The following TTC17 variants were observed in gnomAD, a reference collection of about 807,000 sequenced individuals.
The protein encoded by TTC17 is tetratricopeptide repeat domain 17.
Under a neutral mutation model 143.8 loss-of-function variants are expected in TTC17, and 58 were observed. That is an observed-to-expected ratio of 0.40 (90% CI 0.33 to 0.50). TTC17 has a LOEUF of 0.50. TTC17 is among the 20% of genes least tolerant of loss of function. The probability of loss-of-function intolerance (pLI) is 0.49; values close to 1 mark genes in which losing one functional copy is unlikely to be tolerated. For missense variants in TTC17, 1,273 were observed against 1,392.5 expected (o/e 0.91, Z 1.37); for synonymous variants, 501 against 497.8 (o/e 1.01, Z -0.09).
chr11:43,415,233 T>A (rs1014171448), intron 16 of TTC17, among the ~76,000 whole-genome samples: 1 of 152,172 alleles, frequency 6.6e-6, no homozygotes. Context: ...TTTAATATAG[T>A]GACCCAACAT....
At chr11:43,373,433 C>G (rs966890493) in intron 1 of TTC17, among the ~76,000 whole-genome samples, 1 of 151,664 alleles carries the variant, frequency 6.6e-6, no homozygotes, top group Non-Finnish European at 1.5e-5. Flanking sequence ...ACGCCATTCT[C>G]CTGCCTCAGC....
intron 8 of TTC17, among the ~76,000 whole-genome samples, chr11:43,399,585 C>T (rs184055586): frequency 9.2e-5 from 14 of 152,214 alleles, no homozygotes; most frequent in Non-Finnish European, 1.9e-4. Flanking sequence ...GCAAGAGGAC[C>T]CCTTGAGCCC....
intron 5 of TTC17, 68 bp from the exon 6 acceptor site, chr11:43,396,641 C>A: frequency 1.2e-6 from 1 of 821,354 alleles, no homozygotes; most frequent in Non-Finnish European, 1.9e-6. Flanking sequence ...ATTAAAGGTG[C>A]TCCTTTTGAG....
intron 21 of TTC17, among the ~76,000 whole-genome samples, chr11:43,479,698 T>A (rs1335320443): frequency 6.6e-6 from 1 of 151,970 alleles, no homozygotes; most frequent in East Asian, 1.9e-4. Context: ...CAAATTTGAT[T>A]TAGAGAATTG....
intron 16 of TTC17, chr11:43,436,387 T>C (rs763020152): frequency 9.4e-5 from 115 of 1,229,228 alleles, no homozygotes; most frequent in Non-Finnish European, 1.1e-4. Flanking sequence ...ACTCTCAAGC[T>C]TTAAGCTTAG....
chr11:43,391,450 T>G lies in TTC17; in HGVS notation c.420-15T>G. The G allele has an allele frequency of 2.1e-6, 3 of 1,442,978 alleles. No individual in the cohort carries two copies. The highest frequency in any genetic ancestry group is 1.2e-5 in the South Asian group (1 of 84,090). 89.4% of individuals were successfully genotyped at this position (1,442,978 alleles called of 1,614,324 possible). On this transcript the variant is annotated splice_polypyrimidine_tract_variant and intron_variant, in intron 3 of 23. Coordinates refer to ENST00000039989, the MANE Select transcript of TTC17 (RefSeq NM_018259.6). ...TCTCACCTTTTATTCATTCATTGCT[T>G]CTTTTTGATTTTAGTCCTGAAGATT...
intron 16 of TTC17, among the ~76,000 whole-genome samples, chr11:43,440,611 CCTTT>C (rs1323069665): frequency 6.6e-6 from 1 of 152,106 alleles, no homozygotes; most frequent in Non-Finnish European, 1.5e-5. Context: ...TTATTCAATA[CCTTT>C]CTAATTGGTC....
chr11:43,486,383 A>C lies in TTC17; in HGVS notation c.3031-3856A>C, dbSNP rs1021490469. ...CATTATCAGATTGAAAAAAAATAGT[A>C]GATGTAAAACTGGATGCTATCCATG... On this transcript the variant is annotated intron_variant, in intron 21 of 23. Transcript: ENST00000039989. The C allele has an allele frequency of 1.3e-5, 6 of 448,068 alleles. No individual in the cohort carries two copies. The Admixed American group carries it at 1.4e-4, about 11-fold the overall frequency. 27.8% of individuals were successfully genotyped at this position (448,068 alleles called of 1,614,324 possible).
chr11:43,492,986 C>T (rs1948499159), intron 23 of TTC17, among the ~76,000 whole-genome samples: 1 of 152,204 alleles, frequency 6.6e-6, no homozygotes, highest in Admixed American at 6.5e-5. Context: ...CTTCATGTAT[C>T]GTTCTTGACT....
At chr11:43,473,436 A>C (rs1484471269) in intron 21 of TTC17, among the ~76,000 whole-genome samples, 2 of 152,238 alleles carry the variant, frequency 1.3e-5, no homozygotes, top group Admixed American at 1.3e-4. Context: ...CTATGCTTCT[A>C]TCTCAAAAAG....
chr11:43,427,784 C>T (rs1158276396), intron 16 of TTC17, among the ~76,000 whole-genome samples: 1 of 152,138 alleles, frequency 6.6e-6, no homozygotes, highest in Non-Finnish European at 1.5e-5. Flanking sequence ...TCCTTGAGTA[C>T]AGAAACCAAT....
intron 1 of TTC17, among the ~76,000 whole-genome samples, chr11:43,361,750 TTGAA>T (rs1357339097): frequency 6.6e-6 from 1 of 152,228 alleles, no homozygotes; most frequent in Non-Finnish European, 1.5e-5. Context: ...GTTACAATAT[TTGAA>T]TGAGAGCATA....
At chr11:43,411,006 C>G (rs1858386488) in intron 15 of TTC17, among the ~76,000 whole-genome samples, 1 of 152,222 alleles carries the variant, frequency 6.6e-6, no homozygotes, top group Admixed American at 6.5e-5. Context: ...ACTGGTTTCT[C>G]TGCTTCTGCC....
chr11:43,415,152 T>C (rs1051570142), intron 16 of TTC17, among the ~76,000 whole-genome samples: 1 of 152,196 alleles, frequency 6.6e-6, no homozygotes, highest in African/African-American at 2.4e-5. Context: ...GAAGCAGTTC[T>C]TCTATATACT....
At chr11:43,418,498 T>C (rs1437264933) in intron 16 of TTC17, among the ~76,000 whole-genome samples, 1 of 152,200 alleles carries the variant, frequency 6.6e-6, no homozygotes, top group Non-Finnish European at 1.5e-5. Context: ...TTTTACAGTT[T>C]TATTTAACTT....
intron 16 of TTC17, among the ~76,000 whole-genome samples, chr11:43,433,761 G>A (rs1449746794): frequency 6.6e-6 from 1 of 152,146 alleles, no homozygotes; most frequent in Admixed American, 6.5e-5. Context: ...AAAACACAGA[G>A]TTTCACTGGG....
chr11:43,492,125 G>C lies in TTC17; in HGVS notation c.3256G>C (p.Val1086Leu), dbSNP rs1229501376. ...MAVEIAPHFAVNHFTLGNVYV... is the reference protein window; with the variant it reads ...MAVEIAPHFALNHFTLGNVYV... ...AGTAGAGATCGCACCACACTTTGCTGTGAACCACTTCACTCTGGGCAATGT... is the reference window on the plus strand; with the variant it reads ...AGTAGAGATCGCACCACACTTTGCTCTGAACCACTTCACTCTGGGCAATGT... The change falls in exon 23 of 24, where the codon GTG becomes CTG. Residue 1086 changes from valine (V) to leucine (L), a missense_variant. Physicochemically the swap from Val to Leu is conservative, Grantham distance 32. Transcript: ENST00000039989. 6.2e-7 allele frequency: 1 copy of C among 1,614,108 alleles called. No homozygotes were observed. The highest frequency in any genetic ancestry group is 2.2e-5 in the East Asian group (1 of 44,870).
chr11:43,456,845 C>G (rs1010369823), intron 21 of TTC17, among the ~76,000 whole-genome samples: 1 of 152,000 alleles, frequency 6.6e-6, no homozygotes, highest in Non-Finnish European at 1.5e-5. Context: ...TTCCAAGGAG[C>G]ATTTCGATTA....
intron 16 of TTC17, among the ~76,000 whole-genome samples, chr11:43,423,182 G>A (rs1451099583): frequency 1.3e-5 from 2 of 152,214 alleles, no homozygotes; most frequent in African/African-American, 2.4e-5. Context: ...GAGGTACAGA[G>A]AATGTTGGAG....
Sources: allele counts gnomAD v4.1 joint callset (sites outside exome capture counted in the v4.1 genomes callset), GRCh38; gene constraint gnomAD v4.1.1; transcripts MANE v1.5; gene names NCBI Gene and HGNC (gene_info 2026-07-23, HGNC 2026-07-21).